Variants in ATG5 observed in about 807,000 individuals in gnomAD.
ATG5 encodes autophagy related 5.
In ATG5, 14 loss-of-function variants were observed where a neutral mutation model predicts 36.5. That is an observed-to-expected ratio of 0.38 (90% CI 0.25 to 0.60). The LOEUF is 0.60. ATG5 is among the 20% of genes least tolerant of loss of function. The pLI is 0.60. For missense variants in ATG5, 195 were observed against 326.7 expected (o/e 0.60, Z 3.11); for synonymous variants, 95 against 101.5 (o/e 0.94, Z 0.38).
chr6:106,314,848 T>C (rs1001629974), intron 2 of ATG5, among the ~76,000 whole-genome samples: 10 of 152,224 alleles, frequency 6.6e-5, no homozygotes, highest in African/African-American at 4.8e-5. Context: ...GATGTTTTTC[T>C]AGACAGAAAA....
intron 7 of ATG5, among the ~76,000 whole-genome samples, chr6:106,188,372 G>C (rs1775848564): frequency 6.6e-6 from 1 of 152,002 alleles, no homozygotes; most frequent in Non-Finnish European, 1.5e-5. Flanking sequence ...ACTTAGCACT[G>C]AGTCAAAAAA....
intron 5 of ATG5, among the ~76,000 whole-genome samples, chr6:106,275,310 A>C (rs1384662594): frequency 6.6e-6 from 1 of 152,256 alleles, no homozygotes; most frequent in Non-Finnish European, 1.5e-5. Context: ...TTCCGAAATG[A>C]ATATTCTCAT....
intron 7 of ATG5, among the ~76,000 whole-genome samples, chr6:106,192,800 GCTTT>G (rs1776017765): frequency 6.6e-6 from 1 of 152,154 alleles, no homozygotes; most frequent in Non-Finnish European, 1.5e-5. Flanking sequence ...AGAGCGACGA[GCTTT>G]CTGATTACCA....
At chr6:106,222,151 G>A (rs181597003) in intron 6 of ATG5, among the ~76,000 whole-genome samples, 1 of 152,252 alleles carries the variant, frequency 6.6e-6, no homozygotes, top group Non-Finnish European at 1.5e-5. Context: ...AGGATTACAT[G>A]CGTGAGCCAC....
At chr6:106,186,828 T>C (rs1775791002) in intron 7 of ATG5, 152 bp from the exon 8 acceptor site, 1 of 856,500 alleles carries the variant, frequency 1.2e-6, no homozygotes, top group Middle Eastern at 2.9e-4. Flanking sequence ...AAAGTTCAAA[T>C]GTTGCAGTAT....
At chr6:106,270,349 A>T (rs1484633490) in intron 5 of ATG5, among the ~76,000 whole-genome samples, 1 of 152,224 alleles carries the variant, frequency 6.6e-6, no homozygotes, top group African/African-American at 2.4e-5. Flanking sequence ...CTTTCTCACG[A>T]AGTTGTAGAT....
chr6:106,202,851 T>TGGGGTTTCAACAA (rs1316353278), intron 6 of ATG5, among the ~76,000 whole-genome samples: 7 of 152,046 alleles, frequency 4.6e-5, no homozygotes, highest in East Asian at 1.9e-4. Flanking sequence ...TTACTAGAGA[T>TGGGGTTTCAACAA]GGGGTTTCAC....
chr6:106,190,534 A>C (rs905732174), intron 7 of ATG5, among the ~76,000 whole-genome samples: 7 of 152,154 alleles, frequency 4.6e-5, no homozygotes, highest in African/African-American at 1.7e-4. Context: ...ACTCTCTTTT[A>C]ATCTGCAACC....
At chr6:106,191,744 ATGT>A (rs1775972497) in intron 7 of ATG5, among the ~76,000 whole-genome samples, 1 of 152,160 alleles carries the variant, frequency 6.6e-6, no homozygotes, top group Non-Finnish European at 1.5e-5. Flanking sequence ...GGTGTCAAAA[ATGT>A]AACTGATAAA....
intron 6 of ATG5, among the ~76,000 whole-genome samples, chr6:106,238,742 T>C (rs1777993313): frequency 1.3e-5 from 2 of 152,148 alleles, no homozygotes; most frequent in Admixed American, 6.5e-5. Flanking sequence ...AGAAAATATC[T>C]GGGATATGAA....
chr6:106,308,678 T>A (rs1179315488), intron 2 of ATG5, among the ~76,000 whole-genome samples, 187 bp from the exon 3 acceptor site: 2 of 152,184 alleles, frequency 1.3e-5, no homozygotes, highest in African/African-American at 2.4e-5. Flanking sequence ...ATATTTCTTA[T>A]GGGGCCATTA....
At chr6:106,243,224 G>A (rs909248012) in intron 6 of ATG5, among the ~76,000 whole-genome samples, 2 of 152,184 alleles carry the variant, frequency 1.3e-5, no homozygotes, top group Non-Finnish European at 2.9e-5. Context: ...GCGCTTTAAT[G>A]ATACAAATGA....
At chr6:106,221,869 A>G (rs1248483787) in intron 6 of ATG5, among the ~76,000 whole-genome samples, 3 of 152,100 alleles carry the variant, frequency 2.0e-5, no homozygotes, top group Non-Finnish European at 2.9e-5. Flanking sequence ...ATATTAGGCT[A>G]GCATAATAAA....
chr6:106,206,551 G>A (rs1324054980), intron 6 of ATG5, among the ~76,000 whole-genome samples: 1 of 151,808 alleles, frequency 6.6e-6, no homozygotes, highest in African/African-American at 2.4e-5. Context: ...TCAGGAGGCT[G>A]AGGCAGGAGA....
Position 106,186,527 on chromosome 6 carries a change from A to G in ATG5, c.*13T>C. On this transcript the variant is annotated 3_prime_UTR_variant, in exon 8 of 8. Transcript: ENST00000369076. Reference sequence around the variant, plus strand: ...ATTTAAGGATGATTCTGTTCAGGCAAATAGTTGATCCTTCAATCTGTTGGC... The same window carrying G: ...ATTTAAGGATGATTCTGTTCAGGCAGATAGTTGATCCTTCAATCTGTTGGC... 1 of 1,612,848 alleles carries G rather than the reference A, an allele frequency of 6.2e-7. No individual in the cohort carries two copies. The highest frequency in any genetic ancestry group is 1.3e-5 in the African/African-American group (1 of 75,006).
chr6:106,202,050 G>A lies in ATG5; in HGVS notation c.613C>T (p.Pro205Ser), dbSNP rs757567992. 2 of 1,614,006 alleles carry A rather than the reference G, an allele frequency of 1.2e-6. No individual in the cohort carries two copies. Among genetic ancestry groups the A allele is most frequent in the South Asian group, 2.2e-5 (2 of 91,070 alleles). Residue 205 changes from proline to serine, a missense_variant, in exon 7 of 8, where the codon CCT becomes TCT. Transcript: ENST00000369076. ...TGCAACTGTCCATCTGCAGCCACAG[G>A]ACGAAACAGCTTCTGAATGAAAGGT... Reference protein sequence around the residue: ...ERPFIQKLFRPVAADGQLHTL... With the variant: ...ERPFIQKLFRSVAADGQLHTL...
At chr6:106,228,516 G>C (rs921474778) in intron 6 of ATG5, among the ~76,000 whole-genome samples, 12 of 152,114 alleles carry the variant, frequency 7.9e-5, no homozygotes, top group African/African-American at 2.9e-4. Context: ...CGTGGCCCAA[G>C]ATTCCATTTA....
intron 4 of ATG5, among the ~76,000 whole-genome samples, chr6:106,286,801 C>T (rs1780096099): frequency 6.6e-6 from 1 of 152,194 alleles, no homozygotes; most frequent in Non-Finnish European, 1.5e-5. Flanking sequence ...TTATTACTGA[C>T]AGCCAACAAG....
At chr6:106,195,323 A>G (rs1461203968) in intron 7 of ATG5, among the ~76,000 whole-genome samples, 1 of 152,138 alleles carries the variant, frequency 6.6e-6, no homozygotes, top group Non-Finnish European at 1.5e-5. Flanking sequence ...TCTTATCCAT[A>G]CACACCCAAT....
Sources: gnomAD v4.1 joint callset for allele counts (sites outside exome capture counted in the v4.1 genomes callset) on GRCh38, gnomAD v4.1.1 for gene constraint, MANE v1.5 for transcripts, NCBI Gene and HGNC (gene_info 2026-07-23, HGNC 2026-07-21) for gene names.